PARP11: variants seen among roughly 807,000 people sequenced by gnomAD.
The protein encoded by PARP11 is poly(ADP-ribose) polymerase family member 11, also known as protein mono-ADP-ribosyltransferase PARP11.
A neutral mutation model predicts 42.9 loss-of-function variants in PARP11; 31 were observed. The ratio of observed to expected loss-of-function variants is 0.72; its 90% confidence interval spans 0.54 to 0.98. The LOEUF (loss-of-function observed/expected upper bound fraction) is 0.98. PARP11 is among the 50% of genes least tolerant of loss of function. PARP11 has a pLI of 0.00. For missense variants in PARP11, 365 were observed against 413.1 expected (o/e 0.88, Z 1.01); for synonymous variants, 137 against 127.3 (o/e 1.08, Z -0.51).
Position 3,811,983 on chromosome 12 carries a change from T to C in PARP11, c.*140A>G. On this transcript the variant is annotated 3_prime_UTR_variant, in exon 8 of 8. Coordinates refer to ENST00000228820, the MANE Select transcript of PARP11 (RefSeq NM_020367.6). The stretch of plus-strand genomic sequence containing the variant: ...AAACCAACCTTGAAGTCAGTATGTC[T>C]TTTTATATGGAGGCCACTTTTTTTC... 4.7e-6 allele frequency: 3 copies of C among 643,606 alleles called. No individual in the cohort carries two copies. The South Asian group carries it at 6.9e-5, about 15-fold the overall frequency. The allele number at this position is 643,606 out of a possible 1,614,324, so 39.9% of individuals were successfully genotyped here.
intron 7 of PARP11, among the ~76,000 whole-genome samples, chr12:3,813,772 T>C (rs1947228956): frequency 6.6e-6 from 1 of 152,192 alleles, no homozygotes; most frequent in Non-Finnish European, 1.5e-5. Context: ...TTGAAAAACT[T>C]GGATTTTCAC....
At position 3,812,433 on chromosome 12, in the gene PARP11, T is replaced by C. The variant is rs1331594125; in HGVS notation, c.707A>G (p.Tyr236Cys). 9 of 1,603,614 alleles carry C rather than the reference T, an allele frequency of 5.6e-6. No homozygotes were observed. In the Admixed American group the frequency reaches 8.5e-5, roughly 15 times the overall value. The change falls in exon 8 of 8, where the codon TAT (tyrosine) becomes TGT (cysteine). Residue 236 changes from tyrosine (Y) to cysteine (C), a missense_variant. Transcript: ENST00000228820. ...GGAATAAGCAGCATCTCTAGCAAAA[T>C]AGGTTCCTTAAACAAAGAGGACCAA... ...IHGAVFGKGT[Y>C]FARDAAYSSR...
At chr12:3,857,531 C>T (rs1692959040) in intron 1 of PARP11, among the ~76,000 whole-genome samples, 2 of 151,996 alleles carry the variant, frequency 1.3e-5, no homozygotes, top group South Asian at 4.2e-4. Context: ...AATAACTGTG[C>T]TGGGATGTGC....
intron 1 of PARP11, among the ~76,000 whole-genome samples, chr12:3,859,755 T>G (rs1306445350): frequency 6.6e-6 from 1 of 151,884 alleles, no homozygotes; most frequent in Non-Finnish European, 1.5e-5. Context: ...GAAGGATAAA[T>G]AAAAAATACC....
intron 1 of PARP11, among the ~76,000 whole-genome samples, chr12:3,849,765 G>T (rs1393609809): frequency 6.6e-6 from 1 of 152,128 alleles, no homozygotes; most frequent in Non-Finnish European, 1.5e-5. Context: ...GATCAGTAGG[G>T]TGACTGTAGT....
intron 6 of PARP11, among the ~76,000 whole-genome samples, chr12:3,815,570 T>C (rs976595236): frequency 2.0e-5 from 3 of 152,236 alleles, no homozygotes; most frequent in African/African-American, 4.8e-5. Context: ...ATCTGCTGGA[T>C]ACTTTCTAGT....
At chr12:3,821,639 A>C (rs563768313) in intron 6 of PARP11, among the ~76,000 whole-genome samples, 1 of 152,334 alleles carries the variant, frequency 6.6e-6, no homozygotes, top group East Asian at 1.9e-4. Context: ...GCCAAGATGC[A>C]TAGCTCTAAA....
chr12:3,840,442 C>T lies in PARP11; in HGVS notation c.19-10424G>A, dbSNP rs1467672762. On this transcript the variant is annotated intron_variant, in intron 1 of 7. Transcript: ENST00000228820. This position sits in a 1 kb window ranked among gnomAD's most constrained non-coding sequence, Gnocchi z 4.4. ...CCCATTAGCACTACCTCCTCGACTG[C>T]AGCATCCTTCAGGAGTAAGACAACG... 1.9e-6 allele frequency: 3 copies of T among 1,613,070 alleles called. No individual in the cohort carries two copies. Among genetic ancestry groups the T allele is most frequent in the Non-Finnish European group, 1.7e-6 (2 of 1,179,120 alleles).
In PARP11 at chr12:3,814,600, A is replaced by G. The variant is rs546225225; in HGVS notation, c.549-412T>C. ...ATCATGTCATATGCTTTTTATCCTCAGAAACTAGAAAATGTTGGTTCAGTT... is the reference window on the plus strand; with the variant it reads ...ATCATGTCATATGCTTTTTATCCTCGGAAACTAGAAAATGTTGGTTCAGTT... On this transcript the variant is annotated intron_variant, in intron 6 of 7. Coordinates refer to ENST00000228820, the MANE Select transcript of PARP11 (RefSeq NM_020367.6). 9.8e-5 allele frequency among the ~76,000 whole-genome samples: 15 copies of G among 152,324 alleles called. 1 individual carries two copies. The highest frequency in any genetic ancestry group is 6.8e-3 in the Middle Eastern group (2 of 294).
chr12:3,841,671 C>T, intron 1 of PARP11: 8 of 1,613,500 alleles, frequency 5.0e-6, no homozygotes, highest in Non-Finnish European at 6.8e-6. Flanking sequence ...CACTGAGTGG[C>T]AAGAATATGT....
chr12:3,825,758 C>T (rs911493425), intron 4 of PARP11, among the ~76,000 whole-genome samples: 1 of 152,132 alleles, frequency 6.6e-6, no homozygotes, highest in African/African-American at 2.4e-5. Flanking sequence ...GAGTCTCACT[C>T]TGTCGCCCAG....
At chr12:3,853,642 T>G (rs1161729632) in intron 1 of PARP11, among the ~76,000 whole-genome samples, 1 of 152,176 alleles carries the variant, frequency 6.6e-6, no homozygotes, top group East Asian at 1.9e-4. Flanking sequence ...AAGCAAGTCC[T>G]TAGAGACCTA....
intron 4 of PARP11, among the ~76,000 whole-genome samples, chr12:3,822,515 C>T (rs12369729): frequency 0.059 from 8,644 of 146,392 alleles, 418 homozygotes; most frequent in East Asian, 0.18. Context: ...AGGAGAATGG[C>T]GTGAACCCGG....
At chr12:3,823,759 A>G (rs1947455943) in intron 4 of PARP11, among the ~76,000 whole-genome samples, 1 of 152,114 alleles carries the variant, frequency 6.6e-6, no homozygotes, top group Non-Finnish European at 1.5e-5. Context: ...CTACTAAAAT[A>G]CAAAAAAGTA....
intron 1 of PARP11, among the ~76,000 whole-genome samples, chr12:3,831,743 G>A (rs1227411373): frequency 2.6e-5 from 4 of 152,082 alleles, no homozygotes; most frequent in African/African-American, 9.7e-5. Context: ...TAGGATCAAA[G>A]CCTTCTGGTT....
chr12:3,831,312 T>C (rs566655156), intron 1 of PARP11, among the ~76,000 whole-genome samples: 65 of 152,264 alleles, frequency 4.3e-4, no homozygotes, highest in Non-Finnish European at 5.9e-5. Flanking sequence ...TATAGAGTTA[T>C]TGATGATTTG....
In PARP11 at chr12:3,811,466, G is replaced by A. The variant is rs186652380; in HGVS notation, c.*657C>T. 1 of 152,334 alleles carries A rather than the reference G, an allele frequency of 6.6e-6. No individual in the cohort carries two copies. Among genetic ancestry groups the A allele is most frequent in the East Asian group, 1.9e-4 (1 of 5,188 alleles). The allele number at this position is 152,334 out of a possible 1,614,324, so 9.4% of individuals were successfully genotyped here. On this transcript the variant is annotated 3_prime_UTR_variant, in exon 8 of 8. Transcript: ENST00000228820. Reference sequence around the variant, plus strand: ...ATCAATTCAGATGTGGGAGACAGAGGAGAATGACAGGATCAAGTCTGAGGC... The same window carrying A: ...ATCAATTCAGATGTGGGAGACAGAGAAGAATGACAGGATCAAGTCTGAGGC...
intron 4 of PARP11, among the ~76,000 whole-genome samples, chr12:3,822,955 T>C (rs1001360774): frequency 2.0e-5 from 3 of 152,166 alleles, no homozygotes; most frequent in African/African-American, 4.8e-5. Context: ...TCTCCAACAG[T>C]CCACTACCTT....
chr12:3,872,445 G>A, intron 1 of PARP11: 1 of 897,938 alleles, frequency 1.1e-6, no homozygotes, highest in Non-Finnish European at 1.3e-6. Flanking sequence ...CCCCTACGTT[G>A]CACTTTAAAT....
Sources: allele counts gnomAD v4.1 joint callset (sites outside exome capture counted in the v4.1 genomes callset), GRCh38; gene constraint gnomAD v4.1.1; non-coding constraint Gnocchi (gnomAD v3.1); transcripts MANE v1.5; gene names NCBI Gene and HGNC (gene_info 2026-07-23, HGNC 2026-07-21).